The following ADK variants were observed in gnomAD, a reference collection of about 807,000 sequenced individuals.
ADK encodes the protein N6,N6-dimethyladenosine kinase.
Under a neutral mutation model 44.7 loss-of-function variants are expected in ADK, and 24 were observed. The ratio of observed to expected loss-of-function variants is 0.54; its 90% CI spans 0.39 to 0.76. The LOEUF is 0.76. ADK is among the 30% of genes least tolerant of loss of function. ADK has a pLI of 0.00. For synonymous variants in ADK, 128 were observed against 142.6 expected, an observed-to-expected ratio of 0.90 and a Z score of 0.73; for missense variants, 321 against 425.1, an observed-to-expected ratio of 0.76 and a Z score of 2.15.
chr10:74,270,135 G>A (rs1310313302), intron 3 of ADK, among the ~76,000 whole-genome samples: 1 of 152,188 alleles, frequency 6.6e-6, no homozygotes, highest in Non-Finnish European at 1.5e-5. Context: ...AACAATAGGA[G>A]TTATTTTGAA....
chr10:74,298,697 T>C (rs897677736), intron 3 of ADK, among the ~76,000 whole-genome samples: 3 of 152,054 alleles, frequency 2.0e-5, no homozygotes, highest in African/African-American at 7.2e-5. Flanking sequence ...ACTTGAGCCC[T>C]GGAGTTTAAA....
chr10:74,252,630 G>A (rs1009867544), intron 3 of ADK, among the ~76,000 whole-genome samples: 7 of 152,154 alleles, frequency 4.6e-5, no homozygotes, highest in African/African-American at 1.7e-4. Flanking sequence ...GAGGAAATGA[G>A]TCTGATTATT....
At chr10:74,186,245 T>G (rs1189122996) in intron 1 of ADK, among the ~76,000 whole-genome samples, 1 of 148,060 alleles carries the variant, frequency 6.8e-6, no homozygotes, top group African/African-American at 2.5e-5. Context: ...CCCTTCCCCT[T>G]CCGCCTTTCC....
At chr10:74,640,478 C>T (rs1853802546) in intron 9 of ADK, among the ~76,000 whole-genome samples, 1 of 152,222 alleles carries the variant, frequency 6.6e-6, no homozygotes, top group African/African-American at 2.4e-5. Context: ...CTCTTGTCTT[C>T]TGTGTGCTCC....
chr10:74,584,239 T>C (rs906515530), intron 7 of ADK, among the ~76,000 whole-genome samples: 1 of 152,214 alleles, frequency 6.6e-6, no homozygotes, highest in Admixed American at 6.5e-5. Context: ...TATCCTGAGA[T>C]CTTAACAAGA....
chr10:74,279,564 G>T (rs534617105), intron 3 of ADK, among the ~76,000 whole-genome samples: 7 of 149,712 alleles, frequency 4.7e-5, no homozygotes, highest in African/African-American at 1.5e-4. Context: ...GGGTGACAGA[G>T]TGAGACTTCA....
At chr10:74,485,465 A>C (rs977793200) in intron 6 of ADK, among the ~76,000 whole-genome samples, 1 of 69,826 alleles carries the variant, frequency 1.4e-5, no homozygotes, top group Admixed American at 1.6e-4. Flanking sequence ...CTGTCTCAAA[A>C]TAAATAAATA....
At chr10:74,254,793 C>T (rs943244001) in intron 3 of ADK, among the ~76,000 whole-genome samples, 2 of 152,128 alleles carry the variant, frequency 1.3e-5, no homozygotes, top group Non-Finnish European at 2.9e-5. Context: ...GTTTTAGTTG[C>T]ACAGACACAA....
intron 9 of ADK, among the ~76,000 whole-genome samples, chr10:74,627,935 C>T (rs1319281169): frequency 6.6e-6 from 1 of 152,152 alleles, no homozygotes. Context: ...CCACACCTGG[C>T]CTACCACAAT....
chr10:74,356,005 T>A (rs1312294028), intron 4 of ADK, among the ~76,000 whole-genome samples: 5 of 121,676 alleles, frequency 4.1e-5, no homozygotes, highest in Admixed American at 2.5e-4. Flanking sequence ...ATAATTCATT[T>A]TTTTTTTTTT....
intron 3 of ADK, among the ~76,000 whole-genome samples, chr10:74,245,061 G>A (rs935727041): frequency 2.0e-5 from 3 of 152,154 alleles, no homozygotes; most frequent in African/African-American, 7.2e-5. Context: ...CTTGTTATAA[G>A]TATTTGCCAA....
At chr10:74,239,227 T>C (rs1845097355) in intron 3 of ADK, among the ~76,000 whole-genome samples, 1 of 152,166 alleles carries the variant, frequency 6.6e-6, no homozygotes, top group African/African-American at 2.4e-5. Flanking sequence ...GATTCAGTTA[T>C]AATCGAATGT....
At chr10:74,705,902 T>C (rs890401141) in intron 10 of ADK, among the ~76,000 whole-genome samples, 1 of 152,252 alleles carries the variant, frequency 6.6e-6, no homozygotes, top group Non-Finnish European at 1.5e-5. Context: ...TGAACATTTT[T>C]TCATTTGCTT....
intron 2 of ADK, among the ~76,000 whole-genome samples, chr10:74,204,813 G>A (rs761880355): frequency 2.0e-5 from 3 of 152,020 alleles, no homozygotes; most frequent in Non-Finnish European, 4.4e-5. Flanking sequence ...GGAGGCTGAG[G>A]CAGGTGAATC....
intron 7 of ADK, among the ~76,000 whole-genome samples, chr10:74,549,393 A>G (rs1377613053): frequency 6.6e-6 from 1 of 152,158 alleles, no homozygotes; most frequent in African/African-American, 2.4e-5. Context: ...AAATCTTTTT[A>G]TATGTGCAAT....
chr10:74,237,998 G>A (rs984865833), intron 3 of ADK, among the ~76,000 whole-genome samples: 18 of 152,136 alleles, frequency 1.2e-4, no homozygotes, highest in Admixed American at 5.2e-4. Context: ...GGAGGCTGAG[G>A]TAGGAGAATC....
intron 7 of ADK, among the ~76,000 whole-genome samples, chr10:74,573,555 A>G (rs1851052891): frequency 6.6e-6 from 1 of 152,164 alleles, no homozygotes; most frequent in South Asian, 2.1e-4. Context: ...AGGGACATTT[A>G]AGTCTGCAGA....
intron 9 of ADK, among the ~76,000 whole-genome samples, chr10:74,609,294 A>T (rs1852456062): frequency 6.6e-6 from 1 of 151,272 alleles, no homozygotes; most frequent in Admixed American, 6.6e-5. Context: ...ATGAACAAAA[A>T]CTCCTGCAGC....
At chr10:74,283,713 C>T (rs1330848110) in intron 3 of ADK, among the ~76,000 whole-genome samples, 13 of 137,792 alleles carry the variant, frequency 9.4e-5, no homozygotes, top group African/African-American at 1.7e-4. Context: ...GACAGAGTCT[C>T]GCTCTTGCCC....
Sources: gnomAD v4.1 joint callset for allele counts (sites outside exome capture counted in the v4.1 genomes callset) on GRCh38, gnomAD v4.1.1 for gene constraint, MANE v1.5 for transcripts, NCBI Gene and HGNC (gene_info 2026-07-23, HGNC 2026-07-21) for gene names.